Variants in ST6GALNAC3 observed in about 807,000 individuals in gnomAD.
The protein encoded by ST6GALNAC3 is alpha-N-acetylgalactosaminide alpha-2,6-sialyltransferase 3.
ST6GALNAC3 carries 25 observed loss-of-function variants against 32.7 expected under a neutral mutation model. The ratio of observed to expected loss-of-function variants is 0.76; its 90% CI spans 0.56 to 1.07. The LOEUF is 1.07. ST6GALNAC3 is among the 50% of genes least tolerant of loss of function. The pLI, the probability that ST6GALNAC3 is intolerant of heterozygous loss-of-function variation, is 0.00. For missense variants in ST6GALNAC3, 355 were observed against 382.4 expected (o/e 0.93, Z 0.60); for synonymous variants, 129 against 133.1 (o/e 0.97, Z 0.21).
At chr1:76,074,912 G>T in intron 1 of ST6GALNAC3, 28 bp downstream of exon 1, 1 of 1,581,336 alleles carries the variant, frequency 6.3e-7, no homozygotes, top group Admixed American at 1.8e-5. Context: ...TGGCTCGGAC[G>T]CGTGGTTGGC....
chr1:76,376,030 T>C (rs1651197821), intron 2 of ST6GALNAC3, among the ~76,000 whole-genome samples: 1 of 152,042 alleles, frequency 6.6e-6, no homozygotes, highest in Non-Finnish European at 1.5e-5. Context: ...GTGAAGGGAA[T>C]GGAGAAATTG....
intron 3 of ST6GALNAC3, among the ~76,000 whole-genome samples, chr1:76,444,723 A>G (rs1656851922): frequency 6.6e-6 from 1 of 152,024 alleles, no homozygotes; most frequent in South Asian, 2.1e-4. Context: ...GAAACAGAGG[A>G]ACAGCTTCTA....
At chr1:76,412,552 A>C (rs1012409385) in intron 3 of ST6GALNAC3, 135 bp downstream of exon 3, 2 of 996,744 alleles carry the variant, frequency 2.0e-6, no homozygotes, top group South Asian at 1.8e-5. Flanking sequence ...TATTATGATT[A>C]CTTGATAAGC....
At chr1:76,571,420 A>G (rs766159906) in intron 3 of ST6GALNAC3, among the ~76,000 whole-genome samples, 10 of 152,074 alleles carry the variant, frequency 6.6e-5, no homozygotes, top group Non-Finnish European at 4.4e-5. Flanking sequence ...AGGGACAGTA[A>G]TCCTTGTGCC....
At chr1:76,113,204 C>A (rs1463391149) in intron 1 of ST6GALNAC3, among the ~76,000 whole-genome samples, 2 of 151,760 alleles carry the variant, frequency 1.3e-5, no homozygotes, top group Admixed American at 6.6e-5. Context: ...TCAGGCGTGG[C>A]GGCGCGCGCC....
chr1:76,336,325 A>T (rs1353360429), intron 2 of ST6GALNAC3, among the ~76,000 whole-genome samples: 1 of 152,208 alleles, frequency 6.6e-6, no homozygotes, highest in African/African-American at 2.4e-5. Flanking sequence ...CAGGGCACAG[A>T]ATATTTCTGG....
chr1:76,400,103 A>G (rs1324763837), intron 2 of ST6GALNAC3, among the ~76,000 whole-genome samples: 1 of 152,132 alleles, frequency 6.6e-6, no homozygotes, highest in Admixed American at 6.5e-5. Context: ...CTCATTTTGA[A>G]GGGATAGCTT....
At position 76,314,049 on chromosome 1, in the gene ST6GALNAC3, G is replaced by A. The variant is rs1444263842; in HGVS notation, c.213+50G>A. On this transcript the variant is annotated intron_variant, in intron 2 of 4. Transcript: ENST00000328299. ...CAGTTGGAGAGTATCCATGGTAACA[G>A]CTTTTCTTTAGGAGCCAGAGGGCTT... 3.9e-6 allele frequency: 6 copies of A among 1,556,338 alleles called. No individual in the cohort carries two copies. In the South Asian group the frequency reaches 7.4e-5, roughly 19 times the overall value.
At chr1:76,238,301 TCAGA>T (rs1239090839) in intron 1 of ST6GALNAC3, among the ~76,000 whole-genome samples, 8 of 152,100 alleles carry the variant, frequency 5.3e-5, no homozygotes, top group East Asian at 1.9e-4. Context: ...ATTTCATCAC[TCAGA>T]CAGATCAATA....
At chr1:76,182,549 A>G (rs1653253571) in intron 1 of ST6GALNAC3, among the ~76,000 whole-genome samples, 1 of 152,256 alleles carries the variant, frequency 6.6e-6, no homozygotes, top group Non-Finnish European at 1.5e-5. Context: ...TGTGGGGGGT[A>G]TCCTCTGGTC....
At chr1:76,096,174 AC>A in intron 1 of ST6GALNAC3, among the ~76,000 whole-genome samples, 1 of 152,318 alleles carries the variant, frequency 6.6e-6, no homozygotes, top group Non-Finnish European at 1.5e-5. Flanking sequence ...ATGGAAAGAA[AC>A]AATTTTCTCT....
intron 1 of ST6GALNAC3, among the ~76,000 whole-genome samples, chr1:76,110,900 T>C (rs1330444543): frequency 1.3e-5 from 2 of 152,258 alleles, no homozygotes; most frequent in East Asian, 3.9e-4. Flanking sequence ...AAAGAGATGA[T>C]TAATCTTTTG....
chr1:76,578,256 A>T (rs1170939448), intron 3 of ST6GALNAC3, among the ~76,000 whole-genome samples: 19 of 152,064 alleles, frequency 1.2e-4, no homozygotes, highest in Non-Finnish European at 2.8e-4. Flanking sequence ...CACTTTCTTG[A>T]AACATGCTAA....
intron 1 of ST6GALNAC3, among the ~76,000 whole-genome samples, chr1:76,236,566 G>GT (rs1656673165): frequency 6.6e-6 from 1 of 152,156 alleles, no homozygotes; most frequent in Non-Finnish European, 1.5e-5. Context: ...TTCAAAGTGT[G>GT]TTTTTTATCT....
At chr1:76,291,255 C>G (rs912176348) in intron 1 of ST6GALNAC3, among the ~76,000 whole-genome samples, 1 of 152,212 alleles carries the variant, frequency 6.6e-6, no homozygotes, top group African/African-American at 2.4e-5. Context: ...TTAAAATCCC[C>G]AGCACGTTGG....
At chr1:76,626,094 A>C (rs1553150165) in intron 3 of ST6GALNAC3, among the ~76,000 whole-genome samples, 1 of 151,866 alleles carries the variant, frequency 6.6e-6, no homozygotes, top group Non-Finnish European at 1.5e-5. Flanking sequence ...TGTTAAAAAG[A>C]AGCAGCAGCA....
intron 3 of ST6GALNAC3, among the ~76,000 whole-genome samples, chr1:76,444,025 T>C (rs1049954374): frequency 2.0e-5 from 3 of 152,254 alleles, no homozygotes; most frequent in African/African-American, 7.2e-5. Flanking sequence ...GGAATTGACC[T>C]CTTACTTCTC....
In ST6GALNAC3 at chr1:76,634,404, T is replaced by A. The variant is rs1570500124; in HGVS notation, c.*5598T>A. On this transcript the variant is annotated 3_prime_UTR_variant, in exon 5 of 5. Transcript: ENST00000328299. ...ACCCATTTCTGTTACATATGGTACA[T>A]TTTTTGCTTCACTTATTTTCCTGAG... 1 of 153,708 alleles carries A rather than the reference T, an allele frequency of 6.5e-6. No individual in the cohort carries two copies. Among genetic ancestry groups the A allele is most frequent in the Non-Finnish European group, 1.4e-5 (1 of 69,428 alleles). The allele number at this position is 153,708 out of a possible 1,614,324, so 9.5% of individuals were successfully genotyped here. A position where few individuals can be genotyped will look rare whatever the true frequency, so the allele number is the denominator to read the frequency against.
chr1:76,347,481 T>C (rs993584070), intron 2 of ST6GALNAC3, among the ~76,000 whole-genome samples: 1 of 151,898 alleles, frequency 6.6e-6, no homozygotes, highest in Non-Finnish European at 1.5e-5. Context: ...CCCCTATGTA[T>C]TTGTATGAGA....
Sources: allele counts gnomAD v4.1 joint callset (sites outside exome capture counted in the v4.1 genomes callset), GRCh38; gene constraint gnomAD v4.1.1; transcripts MANE v1.5; gene names NCBI Gene and HGNC (gene_info 2026-07-23, HGNC 2026-07-21).